The following NFIA variants were observed in gnomAD, a reference collection of about 807,000 sequenced individuals.
NFIA encodes nuclear factor 1 A-type.
NFIA carries 8 observed loss-of-function variants against 62.8 expected under a neutral mutation model. That is an observed-to-expected ratio of 0.13 (90% CI 0.07 to 0.23). The LOEUF is 0.23. Ranked by LOEUF, NFIA falls within the 10% of genes least tolerant of loss-of-function variation. NFIA has a pLI of 1.00. For synonymous variants in NFIA, 235 were observed against 238.1 expected, an observed-to-expected ratio of 0.99 and a Z score of 0.12; for missense variants, 410 against 642.1, an observed-to-expected ratio of 0.64 and a Z score of 3.91.
At chr1:61,439,033 A>T (rs1667459193) in intron 10 of NFIA, among the ~76,000 whole-genome samples, 1 of 151,534 alleles carries the variant, frequency 6.6e-6, no homozygotes, top group Admixed American at 6.6e-5. Flanking sequence ...ACACACACAC[A>T]CACACACCTG....
chr1:61,365,698 T>C (rs757484037), intron 6 of NFIA, among the ~76,000 whole-genome samples: 18 of 152,226 alleles, frequency 1.2e-4, no homozygotes, highest in Non-Finnish European at 2.2e-4. Flanking sequence ...AGCAAGTCCC[T>C]GTCTCCAAGG....
At chr1:61,095,442 G>T (rs1194131424) in intron 2 of NFIA, among the ~76,000 whole-genome samples, 1 of 152,138 alleles carries the variant, frequency 6.6e-6, no homozygotes, top group Non-Finnish European at 1.5e-5. Flanking sequence ...CAAATCTTAT[G>T]CTCTTAAACA....
chr1:61,426,410 TTGTG>T (rs1666870747), intron 9 of NFIA, 51 bp from the exon 10 acceptor site: 1 of 1,182,898 alleles, frequency 8.5e-7, no homozygotes. Context: ...TTGGTGTTGT[TTGTG>T]TGTGCAATCT....
At chr1:61,233,803 C>G (rs1368829363) in intron 2 of NFIA, among the ~76,000 whole-genome samples, 2 of 152,148 alleles carry the variant, frequency 1.3e-5, no homozygotes, top group Non-Finnish European at 2.9e-5. Flanking sequence ...CCTTCTGTGC[C>G]AGCAGCCTCC....
chr1:61,369,588 G>A (rs1007778145), intron 6 of NFIA, among the ~76,000 whole-genome samples: 29 of 151,890 alleles, frequency 1.9e-4, no homozygotes, highest in South Asian at 6.2e-4. Context: ...TACTTCCTGC[G>A]TTCTATCATA....
chr1:61,114,071 A>G (rs983111177), intron 2 of NFIA, among the ~76,000 whole-genome samples: 8 of 152,190 alleles, frequency 5.3e-5, no homozygotes, highest in African/African-American at 1.9e-4. Context: ...ATAAATCATG[A>G]TGGTTTTTAT....
chr1:61,331,707 T>C (rs1035954113), intron 3 of NFIA, among the ~76,000 whole-genome samples: 5 of 152,186 alleles, frequency 3.3e-5, no homozygotes, highest in Non-Finnish European at 5.9e-5. Context: ...GGAAACTACA[T>C]ACCATAGATT....
intron 3 of NFIA, among the ~76,000 whole-genome samples, chr1:61,315,499 ATTC>A (rs1261538263): frequency 6.6e-6 from 1 of 152,216 alleles, no homozygotes; most frequent in Non-Finnish European, 1.5e-5. Context: ...CTAAGGGAGT[ATTC>A]TTTGGTAATC....
intron 2 of NFIA, among the ~76,000 whole-genome samples, chr1:61,093,257 A>G (rs1646351870): frequency 6.6e-6 from 1 of 152,140 alleles, no homozygotes; most frequent in African/African-American, 2.4e-5. Flanking sequence ...TAAACACCCT[A>G]GTAGAAAGTT....
intron 2 of NFIA, among the ~76,000 whole-genome samples, chr1:61,097,939 G>A (rs1570145069): frequency 6.6e-6 from 1 of 152,194 alleles, no homozygotes; most frequent in African/African-American, 2.4e-5. Context: ...GCTGCAGAAG[G>A]AGTAAAGTCA....
rs778306756 is a variant in NFIA at position 61,088,675 on chromosome 1, C to T, written c.554C>T (p.Ala185Val). The change falls in exon 2 of 11, where the codon GCA (alanine) becomes GTA (valine). Residue 185 changes from alanine to valine, a missense_variant. Physicochemically the swap from Ala to Val is moderately conservative, Grantham distance 64 (BLOSUM62 0). Transcript: ENST00000403491. The surrounding 1 kb of genome is among the most constrained non-coding windows in gnomAD (Gnocchi z 4.5). ...TTATATTTGGCATACTTTGTGCATG[C>T]AGCAGGTAAGTGCGATGGTGAGAAT... Reference protein sequence around the residue: ...LDLYLAYFVHAADSSQSESPS... With the variant: ...LDLYLAYFVHVADSSQSESPS... 5.6e-6 allele frequency: 9 copies of T among 1,611,040 alleles called. No individual in the cohort carries two copies. Among genetic ancestry groups the T allele is most frequent in the South Asian group, 1.1e-5 (1 of 90,936 alleles).
intron 2 of NFIA, among the ~76,000 whole-genome samples, chr1:61,091,738 A>G (rs1646323893): frequency 6.6e-6 from 1 of 152,186 alleles, no homozygotes; most frequent in Non-Finnish European, 1.5e-5. Context: ...GCAAGGTCAC[A>G]ATTTAAGTTG....
intron 2 of NFIA, among the ~76,000 whole-genome samples, chr1:61,269,942 TAAAC>T (rs1209782886): frequency 6.6e-6 from 1 of 152,214 alleles, no homozygotes; most frequent in Admixed American, 6.5e-5. Context: ...TGTTGCCTGA[TAAAC>T]AGACTTAACA....
intron 2 of NFIA, among the ~76,000 whole-genome samples, chr1:61,205,901 CTTTTTTTTTTT>C (rs199804398): frequency 1.6e-5 from 2 of 122,538 alleles, no homozygotes; most frequent in East Asian, 2.9e-4. Context: ...TTTTGCAGCC[CTTTTTTTTTTT>C]TTTTTTTTTT....
chr1:61,134,245 AGTGTGTGTGTGTGTGTGTGTGTGTGT>A (rs61677972), intron 2 of NFIA, among the ~76,000 whole-genome samples: 1 of 146,298 alleles, frequency 6.8e-6, no homozygotes, highest in South Asian at 2.2e-4. Context: ...TGTGTGTGTG[AGTGTGTGTGTGTGTGTGTGTGTGTGT>A]GTGTGTGTGT....
intron 2 of NFIA, among the ~76,000 whole-genome samples, chr1:61,256,274 A>C (rs1656387565): frequency 6.6e-6 from 1 of 151,872 alleles, no homozygotes; most frequent in Admixed American, 6.6e-5. Flanking sequence ...CTCTACTAAA[A>C]ATACAAAAAA....
intron 6 of NFIA, among the ~76,000 whole-genome samples, chr1:61,377,225 A>T (rs12734140): frequency 7.9e-6 from 1 of 126,510 alleles, no homozygotes. Context: ...TCCATCTCAA[A>T]AAAAAGAAAG....
chr1:61,266,515 A>G (rs1657178615), intron 2 of NFIA, among the ~76,000 whole-genome samples: 2 of 152,094 alleles, frequency 1.3e-5, no homozygotes, highest in African/African-American at 4.8e-5. Flanking sequence ...CTCCTGCCTC[A>G]GCCTCCCAAG....
At chr1:61,184,707 T>G (rs979596867) in intron 2 of NFIA, among the ~76,000 whole-genome samples, 9 of 152,208 alleles carry the variant, frequency 5.9e-5, no homozygotes, top group Non-Finnish European at 1.2e-4. Flanking sequence ...GGAGCCGTGC[T>G]CCAAGAGAGC....
Sources: allele counts gnomAD v4.1 joint callset (sites outside exome capture counted in the v4.1 genomes callset), GRCh38; gene constraint gnomAD v4.1.1; non-coding constraint Gnocchi (gnomAD v3.1); transcripts MANE v1.5; gene names NCBI Gene and HGNC (gene_info 2026-07-23, HGNC 2026-07-21).